ATRNL1: variants seen among roughly 807,000 people sequenced by gnomAD.
ATRNL1 encodes attractin-like protein 1.
Under a neutral mutation model 182.7 loss-of-function variants are expected in ATRNL1, and 95 were observed. The observed-to-expected ratio is 0.52, with a 90% confidence interval of 0.44 to 0.62. The LOEUF (loss-of-function observed/expected upper bound fraction) is 0.62. ATRNL1 is among the 20% of genes least tolerant of loss of function. The pLI is 0.00. For synonymous variants in ATRNL1, 576 were observed against 568.3 expected (o/e 1.01, Z -0.19); for missense variants, 1,471 against 1,679.5 (o/e 0.88, Z 2.17).
At chr10:115,723,582 CTT>C (rs1947501502) in intron 26 of ATRNL1, among the ~76,000 whole-genome samples, 1 of 116,898 alleles carries the variant, frequency 8.6e-6, no homozygotes, top group Non-Finnish European at 1.9e-5. Flanking sequence ...GAGTTTCGCT[CTT>C]GTTACCCAGG....
chr10:115,654,258 C>T (rs1478768445), intron 26 of ATRNL1, among the ~76,000 whole-genome samples: 1 of 151,060 alleles, frequency 6.6e-6, no homozygotes, highest in African/African-American at 2.4e-5. Flanking sequence ...CTGGCTCTGT[C>T]ACCCAGGCTG....
At chr10:115,295,996 A>T (rs1162242304) in intron 15 of ATRNL1, among the ~76,000 whole-genome samples, 1 of 152,066 alleles carries the variant, frequency 6.6e-6, no homozygotes, top group Admixed American at 6.6e-5. Flanking sequence ...TTGAGTAGGG[A>T]ATGAGAAGTG....
chr10:115,286,430 A>G, intron 15 of ATRNL1, 33 bp downstream of exon 15: 1 of 1,299,746 alleles, frequency 7.7e-7, no homozygotes, highest in Non-Finnish European at 1.0e-6. Context: ...TTATGGAAAT[A>G]TGCTATGATA....
chr10:115,321,654 A>G (rs1854589870), intron 18 of ATRNL1, among the ~76,000 whole-genome samples: 1 of 148,540 alleles, frequency 6.7e-6, no homozygotes, highest in African/African-American at 2.5e-5. Context: ...ATAATACTGA[A>G]GAGGGAAAGG....
intron 1 of ATRNL1, among the ~76,000 whole-genome samples, chr10:115,102,358 G>C (rs1554864781): frequency 1.3e-5 from 2 of 151,870 alleles, no homozygotes; most frequent in Non-Finnish European, 2.9e-5. Context: ...CTGTTCCATT[G>C]ATCCATATCT....
intron 25 of ATRNL1, among the ~76,000 whole-genome samples, chr10:115,546,526 C>T (rs1008090205): frequency 3.3e-5 from 5 of 151,266 alleles, no homozygotes; most frequent in Non-Finnish European, 7.4e-5. Flanking sequence ...GAGATCACCC[C>T]ACTGCACTCC....
rs1330568811 is a variant in ATRNL1, at chr10:115,496,084, C to CT, written c.3655-23173dup. On this transcript the variant is annotated intron_variant, in intron 24 of 28. Coordinates refer to ENST00000355044, the MANE Select transcript of ATRNL1 (RefSeq NM_207303.4). ...ACCATTGTATAATACCCATCTTTGT[C>CT]TTTTTTGATCATTACTGGCTTAGTG... 4.8e-4 allele frequency among the ~76,000 whole-genome samples: 73 copies of CT among 152,120 alleles called. 1 individual carries two copies. Among genetic ancestry groups the CT allele is most frequent in the Admixed American group, 4.8e-3 (73 of 15,264 alleles).
intron 5 of ATRNL1, among the ~76,000 whole-genome samples, chr10:115,149,876 CTTT>C (rs57382865): frequency 4.9e-5 from 6 of 123,248 alleles, no homozygotes; most frequent in Non-Finnish European, 7.0e-5. Flanking sequence ...TCTCCTTTTC[CTTT>C]TTTTTTTTTT....
intron 26 of ATRNL1, among the ~76,000 whole-genome samples, chr10:115,673,350 CATTG>C (rs1210623078): frequency 6.6e-6 from 1 of 151,950 alleles, no homozygotes; most frequent in Non-Finnish European, 1.5e-5. Flanking sequence ...TCCAGTCTAC[CATTG>C]ATAGGCAACT....
intron 5 of ATRNL1, among the ~76,000 whole-genome samples, chr10:115,147,895 G>C (rs781929378): frequency 7.2e-5 from 11 of 152,108 alleles, no homozygotes; most frequent in African/African-American, 1.2e-4. Flanking sequence ...CCAGTGGTGT[G>C]ATACCTTCAG....
At chr10:115,350,485 C>T (rs781928604) in intron 19 of ATRNL1, among the ~76,000 whole-genome samples, 4 of 151,056 alleles carry the variant, frequency 2.6e-5, no homozygotes, top group Admixed American at 1.3e-4. Context: ...TTCCATTCTT[C>T]TGTATATACA....
chr10:115,177,622 T>C (rs1234440532), intron 8 of ATRNL1, among the ~76,000 whole-genome samples: 2 of 152,076 alleles, frequency 1.3e-5, no homozygotes, highest in Non-Finnish European at 2.9e-5. Flanking sequence ...GGACTATGTC[T>C]CCAAAACCTA....
intron 26 of ATRNL1, among the ~76,000 whole-genome samples, chr10:115,698,615 T>G (rs1946635882): frequency 6.6e-6 from 1 of 151,996 alleles, no homozygotes. Flanking sequence ...CCGTCTCTAC[T>G]AAAAATACAA....
intron 20 of ATRNL1, among the ~76,000 whole-genome samples, chr10:115,398,919 T>C (rs1341558643): frequency 1.3e-5 from 2 of 152,092 alleles, no homozygotes; most frequent in African/African-American, 2.4e-5. Context: ...CATGAGTGGA[T>C]GTTGAATTTT....
At chr10:115,230,546 G>C (rs1554899703) in intron 9 of ATRNL1, among the ~76,000 whole-genome samples, 1 of 152,144 alleles carries the variant, frequency 6.6e-6, no homozygotes, top group African/African-American at 2.4e-5. Context: ...TGGAAACCCA[G>C]TCATGTAGGG....
chr10:115,174,892 A>T (rs1388448504), intron 8 of ATRNL1, among the ~76,000 whole-genome samples: 1 of 151,930 alleles, frequency 6.6e-6, no homozygotes. Flanking sequence ...GGGAAAATTC[A>T]TGCCCCAAAG....
intron 13 of ATRNL1, among the ~76,000 whole-genome samples, chr10:115,271,405 G>T (rs981666777): frequency 1.3e-4 from 20 of 151,938 alleles, no homozygotes; most frequent in Non-Finnish European, 2.4e-4. Context: ...TTTACGTTAG[G>T]TATATCTCCT....
At chr10:115,679,593 C>A (rs782283760) in intron 26 of ATRNL1, among the ~76,000 whole-genome samples, 16 of 152,020 alleles carry the variant, frequency 1.1e-4, no homozygotes, top group Non-Finnish European at 1.2e-4. Context: ...TCATTTTATC[C>A]AGTTGAAATG....
chr10:115,897,717 G>A (rs1428352117), intron 28 of ATRNL1, among the ~76,000 whole-genome samples: 1 of 152,096 alleles, frequency 6.6e-6, no homozygotes, highest in African/African-American at 2.4e-5. Flanking sequence ...GTTGAAAATC[G>A]AAATTTGAGA....
Sources: allele counts gnomAD v4.1 joint callset (sites outside exome capture counted in the v4.1 genomes callset), GRCh38; gene constraint gnomAD v4.1.1; transcripts MANE v1.5; gene names NCBI Gene and HGNC (gene_info 2026-07-23, HGNC 2026-07-21).